The following PEBP4 variants were observed in gnomAD, a reference collection of about 807,000 sequenced individuals.
PEBP4 encodes the protein phosphatidylethanolamine-binding protein 4.
In PEBP4, 22 loss-of-function variants were observed where a neutral mutation model predicts 23.9. The ratio of observed to expected loss-of-function variants is 0.92; its 90% confidence interval spans 0.66 to 1.31. The LOEUF is 1.31. Among genes scored for constraint, PEBP4 ranks in the 40% most tolerant of loss-of-function variants. The pLI is 0.00. For missense variants in PEBP4, 324 were observed against 281.7 expected (o/e 1.15, Z -1.07); for synonymous variants, 112 against 99.3 (o/e 1.13, Z -0.76).
At chr8:22,778,385 CTTT>C (rs1211155646) in intron 4 of PEBP4, among the ~76,000 whole-genome samples, 1 of 146,224 alleles carries the variant, frequency 6.8e-6, no homozygotes, top group Non-Finnish European at 1.5e-5. Context: ...AGAGCTTGAA[CTTT>C]TTTTTTTTTT....
At chr8:22,817,561 G>A in intron 4 of PEBP4, 76 bp downstream of exon 4, 1 of 1,347,210 alleles carries the variant, frequency 7.4e-7, no homozygotes, top group Admixed American at 1.7e-5. Context: ...CTGGATGAGA[G>A]GTGGGAACTG....
At chr8:22,749,656 G>A (rs1170181165) in intron 4 of PEBP4, among the ~76,000 whole-genome samples, 3 of 152,074 alleles carry the variant, frequency 2.0e-5, no homozygotes, top group Non-Finnish European at 4.4e-5. Context: ...AGGCACCAAT[G>A]AGCTGCAAGG....
chr8:22,818,725 C>T (rs1028955173), intron 3 of PEBP4, among the ~76,000 whole-genome samples: 33 of 152,052 alleles, frequency 2.2e-4, no homozygotes, highest in African/African-American at 8.0e-4. Flanking sequence ...GGCCAGGAGG[C>T]CAGTTAGGAG....
chr8:22,901,839 C>T (rs979655836), intron 3 of PEBP4, among the ~76,000 whole-genome samples: 1 of 152,096 alleles, frequency 6.6e-6, no homozygotes, highest in Non-Finnish European at 1.5e-5. Flanking sequence ...AAATCATGTT[C>T]ATTAGACTCT....
chr8:22,875,097 C>T (rs1292561507), intron 3 of PEBP4, among the ~76,000 whole-genome samples: 1 of 152,036 alleles, frequency 6.6e-6, no homozygotes, highest in Non-Finnish European at 1.5e-5. Context: ...TTCGCCACCT[C>T]AGGACTCAGC....
At chr8:22,759,239 G>A (rs1585257944) in intron 4 of PEBP4, among the ~76,000 whole-genome samples, 1 of 148,190 alleles carries the variant, frequency 6.7e-6, no homozygotes, top group Non-Finnish European at 1.5e-5. Flanking sequence ...AAGAGACCCC[G>A]CATAGACGGA....
chr8:22,783,379 T>C (rs1450321038), intron 4 of PEBP4, among the ~76,000 whole-genome samples: 2 of 152,248 alleles, frequency 1.3e-5, no homozygotes, highest in African/African-American at 4.8e-5. Context: ...AGCTTTCTCT[T>C]GCCTTTGGCT....
At chr8:22,765,116 T>TTCCTTCCTTCCTTCCTTCCTTCCTTC (rs560144016) in intron 4 of PEBP4, among the ~76,000 whole-genome samples, 7 of 144,898 alleles carry the variant, frequency 4.8e-5, no homozygotes, top group African/African-American at 1.8e-4. Flanking sequence ...TTCCTTTATT[T>TTCCTTCCTTCCTTCCTTCCTTCCTTC]CTTCCTTCCT....
intron 3 of PEBP4, among the ~76,000 whole-genome samples, chr8:22,911,627 A>G (rs1237164044): frequency 1.3e-5 from 2 of 152,214 alleles, no homozygotes; most frequent in Admixed American, 6.5e-5. Context: ...TCCCTGTAGC[A>G]TTCAAAATGC....
chr8:22,721,333 G>A lies in PEBP4; in HGVS notation c.517+3510C>T, dbSNP rs185960016. ...GGAGGTCACCTGGCCAAGGTCAAAC[G>A]ATCAGAGTCGGGACATCAAGATCTC... On this transcript the variant is annotated intron_variant, in intron 6 of 6. Coordinates refer to ENST00000256404, the MANE Select transcript of PEBP4 (RefSeq NM_144962.3). Among the ~76,000 whole-genome samples, 17 of 152,182 alleles carry A rather than the reference G, an allele frequency of 1.1e-4. 1 individual carries two copies. In the East Asian group the frequency reaches 2.3e-3, roughly 21 times the overall value.
intron 3 of PEBP4, among the ~76,000 whole-genome samples, chr8:22,832,339 T>G (rs1807103338): frequency 6.6e-6 from 1 of 152,138 alleles, no homozygotes; most frequent in African/African-American, 2.4e-5. Flanking sequence ...GAGAACTCAC[T>G]TCCTCCCTCT....
chr8:22,851,331 T>C (rs552009230), intron 3 of PEBP4, among the ~76,000 whole-genome samples: 2 of 152,292 alleles, frequency 1.3e-5, no homozygotes, highest in East Asian at 3.9e-4. Flanking sequence ...GGCCTTTCTT[T>C]GTGACTTTGC....
chr8:22,848,425 C>T (rs926177691), intron 3 of PEBP4, among the ~76,000 whole-genome samples: 5 of 151,552 alleles, frequency 3.3e-5, no homozygotes, highest in African/African-American at 9.7e-5. Context: ...TGTGTGGGAC[C>T]AGCCAAGGGG....
At chr8:22,810,431 C>T (rs145055785) in intron 4 of PEBP4, among the ~76,000 whole-genome samples, 6 of 152,274 alleles carry the variant, frequency 3.9e-5, no homozygotes, top group African/African-American at 1.2e-4. Context: ...CCTCCCCCAC[C>T]GCCAACCCCC....
At position 22,812,900 on chromosome 8, in the gene PEBP4, C is replaced by T. The variant is rs570946155; in HGVS notation, c.357+4737G>A. 1.6e-4 allele frequency among the ~76,000 whole-genome samples: 24 copies of T among 152,172 alleles called. 1 individual carries two copies. The South Asian group carries it at 4.8e-3, about 30-fold the overall frequency. The stretch of plus-strand genomic sequence containing the variant: ...CTTTGCATATGTAATTTCCTTTTTC[C>T]TTGTCTCCACCCTGAAGAGTGAGGA... On this transcript the variant is annotated intron_variant, in intron 4 of 6. Coordinates refer to ENST00000256404, the MANE Select transcript of PEBP4 (RefSeq NM_144962.3).
intron 3 of PEBP4, among the ~76,000 whole-genome samples, chr8:22,909,841 G>A (rs1404668121): frequency 6.6e-6 from 1 of 152,202 alleles, no homozygotes; most frequent in Non-Finnish European, 1.5e-5. Context: ...GTCTGATACT[G>A]TTCATAAAGT....
chr8:22,923,612 G>C (rs1034911091), intron 2 of PEBP4, among the ~76,000 whole-genome samples: 5 of 152,022 alleles, frequency 3.3e-5, no homozygotes, highest in Non-Finnish European at 5.9e-5. Context: ...CTGTATGAAG[G>C]GCTTAGAATT....
At chr8:22,890,536 G>C (rs1448874069) in intron 3 of PEBP4, among the ~76,000 whole-genome samples, 1 of 152,190 alleles carries the variant, frequency 6.6e-6, no homozygotes, top group African/African-American at 2.4e-5. Context: ...CAAACTCCCA[G>C]CTTCCCCTCT....
intron 3 of PEBP4, among the ~76,000 whole-genome samples, chr8:22,856,586 G>T (rs1019531711): frequency 6.6e-6 from 1 of 152,140 alleles, no homozygotes; most frequent in African/African-American, 2.4e-5. Flanking sequence ...GCGTAGTGGT[G>T]CATGCCTATA....
Sources: gnomAD v4.1 joint callset for allele counts (sites outside exome capture counted in the v4.1 genomes callset) on GRCh38, gnomAD v4.1.1 for gene constraint, MANE v1.5 for transcripts, NCBI Gene and HGNC (gene_info 2026-07-23, HGNC 2026-07-21) for gene names.